The following MAML3 variants were observed in gnomAD, a reference collection of about 807,000 sequenced individuals.
The protein encoded by MAML3 is mastermind-like protein 3.
In MAML3, 27 loss-of-function variants were observed where a neutral mutation model predicts 101.9. That is an observed-to-expected ratio of 0.27 (90% CI 0.20 to 0.37). The LOEUF is 0.37. MAML3 is among the 10% of genes least tolerant of loss of function. The pLI, the probability that MAML3 is intolerant of heterozygous loss-of-function variation, is 1.00. For missense variants in MAML3, 1,316 were observed against 1,444.9 expected (o/e 0.91, Z 1.45); for synonymous variants, 501 against 555.9 (o/e 0.90, Z 1.39).
At chr4:139,940,007 G>A (rs954669997) in intron 1 of MAML3, among the ~76,000 whole-genome samples, 6 of 152,000 alleles carry the variant, frequency 3.9e-5, no homozygotes, top group East Asian at 1.9e-4. Flanking sequence ...CTTGTGATTC[G>A]TCCACCTCGG....
chr4:140,091,537 C>CAG (rs773000483), intron 1 of MAML3, among the ~76,000 whole-genome samples: 1 of 71,600 alleles, frequency 1.4e-5, no homozygotes, highest in Non-Finnish European at 2.7e-5. Flanking sequence ...AACAACAAAA[C>CAG]AAAAACAAAA....
chr4:139,722,316 A>T (rs560724490), intron 4 of MAML3, among the ~76,000 whole-genome samples: 19 of 152,110 alleles, frequency 1.2e-4, no homozygotes, highest in Non-Finnish European at 2.1e-4. Flanking sequence ...ATTCTTTTTC[A>T]CCTAAGGGAA....
intron 1 of MAML3, among the ~76,000 whole-genome samples, chr4:140,045,462 T>G (rs574467852): frequency 1.2e-4 from 19 of 152,268 alleles, no homozygotes; most frequent in Admixed American, 5.2e-4. Flanking sequence ...TTGTTTGTTT[T>G]TTTTAATATT....
intron 1 of MAML3, among the ~76,000 whole-genome samples, chr4:139,943,508 G>T (rs927598830): frequency 5.3e-5 from 8 of 152,194 alleles, no homozygotes; most frequent in African/African-American, 1.9e-4. Context: ...CACACATGAG[G>T]TTGGTTTAGG....
chr4:140,071,158 G>A (rs961712860), intron 1 of MAML3, among the ~76,000 whole-genome samples: 3 of 152,176 alleles, frequency 2.0e-5, no homozygotes, highest in Non-Finnish European at 2.9e-5. Context: ...AACAACTGGC[G>A]TTTCTCACAA....
intron 1 of MAML3, among the ~76,000 whole-genome samples, chr4:140,004,681 G>A (rs1233422844): frequency 6.6e-6 from 1 of 151,898 alleles, no homozygotes; most frequent in Non-Finnish European, 1.5e-5. Context: ...AGACAATGAC[G>A]GCTCCAGGAA....
intron 1 of MAML3, among the ~76,000 whole-genome samples, chr4:139,963,018 C>T (rs775801710): frequency 1.1e-4 from 17 of 152,084 alleles, no homozygotes; most frequent in African/African-American, 1.2e-4. Flanking sequence ...TTTATTTTTC[C>T]GTGTTTTAAA....
chr4:139,926,155 T>C (rs1471647037), intron 1 of MAML3, among the ~76,000 whole-genome samples: 1 of 152,142 alleles, frequency 6.6e-6, no homozygotes, highest in East Asian at 1.9e-4. Context: ...AAAAAGGATT[T>C]TGCTCACGCT....
At chr4:139,980,073 C>T (rs1280339330) in intron 1 of MAML3, among the ~76,000 whole-genome samples, 1 of 152,156 alleles carries the variant, frequency 6.6e-6, no homozygotes, top group Non-Finnish European at 1.5e-5. Context: ...GGGATCTGGG[C>T]TCTCCCTTTA....
Position 140,153,514 on chromosome 4 carries a change from CCTTT to C in MAML3, c.-191_-188del. Reference sequence around the variant, plus strand: ...GGAGATTTTGGGGTGGTTTTTGTTTCCTTTTTTTAAACTGTAAAAGCTCAAGGGG... The same window carrying C: ...GGAGATTTTGGGGTGGTTTTTGTTTCTTTTAAACTGTAAAAGCTCAAGGGG... On this transcript the variant is annotated 5_prime_UTR_variant, in exon 1 of 5. Transcript: ENST00000509479. The C allele has an allele frequency of 1.6e-6, 1 of 617,296 alleles. No homozygotes were observed. The highest frequency in any genetic ancestry group is 1.9e-5 in the African/African-American group (1 of 52,256). The allele number at this position is 617,296 out of a possible 1,614,324, so 38.2% of individuals were successfully genotyped here. A position where few individuals can be genotyped will look rare whatever the true frequency, so the allele number is the denominator to read the frequency against.
chr4:139,804,259 C>T (rs1008576223), intron 2 of MAML3, among the ~76,000 whole-genome samples: 1 of 143,644 alleles, frequency 7.0e-6, no homozygotes, highest in African/African-American at 2.6e-5. Flanking sequence ...CACAAGTGAT[C>T]TCACTAAGGA....
At chr4:139,897,931 T>C (rs755137951) in intron 1 of MAML3, among the ~76,000 whole-genome samples, 2 of 152,218 alleles carry the variant, frequency 1.3e-5, no homozygotes, top group African/African-American at 2.4e-5. Context: ...TCCCAGGACA[T>C]ACCACATTTG....
At chr4:140,123,685 T>G (rs74377472) in intron 1 of MAML3, among the ~76,000 whole-genome samples, 14,953 of 152,212 alleles carry the variant, frequency 0.098, 843 homozygotes, top group Non-Finnish European at 0.11. Flanking sequence ...CTGAATAAGA[T>G]AAAACATTTA....
At chr4:140,128,998 G>A (rs1313087449) in intron 1 of MAML3, among the ~76,000 whole-genome samples, 1 of 152,012 alleles carries the variant, frequency 6.6e-6, no homozygotes, top group African/African-American at 2.4e-5. Flanking sequence ...CATCAGAGTC[G>A]TAGTCACACA....
At chr4:139,826,803 G>A (rs1731068351) in intron 2 of MAML3, among the ~76,000 whole-genome samples, 2 of 151,978 alleles carry the variant, frequency 1.3e-5, no homozygotes, top group South Asian at 4.2e-4. Context: ...ACACAGACTC[G>A]ACCCTTGCAG....
intron 1 of MAML3, among the ~76,000 whole-genome samples, chr4:139,955,755 G>T (rs1254690764): frequency 1.3e-5 from 2 of 152,152 alleles, no homozygotes; most frequent in Non-Finnish European, 1.5e-5. Flanking sequence ...AGGCTCTCAG[G>T]TAGTTAACTG....
intron 1 of MAML3, among the ~76,000 whole-genome samples, chr4:140,112,581 G>T (rs540696990): frequency 6.6e-6 from 1 of 152,214 alleles, no homozygotes; most frequent in African/African-American, 2.4e-5. Context: ...GGCAGCTGAA[G>T]GTCAGGGAGG....
intron 4 of MAML3, among the ~76,000 whole-genome samples, chr4:139,722,167 C>T (rs1304896902): frequency 6.6e-6 from 1 of 152,112 alleles, no homozygotes; most frequent in African/African-American, 2.4e-5. Context: ...CTTTAGAGGG[C>T]AGAAGCGTTA....
chr4:139,778,180 C>T (rs1259409041), intron 2 of MAML3, among the ~76,000 whole-genome samples: 5 of 152,126 alleles, frequency 3.3e-5, no homozygotes, highest in South Asian at 2.1e-4. Context: ...AAAAGAATAC[C>T]GTGATAAAAG....
Sources: gnomAD v4.1 joint callset for allele counts (sites outside exome capture counted in the v4.1 genomes callset) on GRCh38, gnomAD v4.1.1 for gene constraint, MANE v1.5 for transcripts, NCBI Gene and HGNC (gene_info 2026-07-23, HGNC 2026-07-21) for gene names.